MBOAT1: variants seen among roughly 807,000 people sequenced by gnomAD.
MBOAT1 encodes membrane bound glycerophospholipid O-acyltransferase 1.
In MBOAT1, 67 loss-of-function variants were observed where a neutral mutation model predicts 64.4. The ratio of observed to expected loss-of-function variants is 1.04; its 90% CI spans 0.85 to 1.27. The LOEUF (loss-of-function observed/expected upper bound fraction) is 1.27. Among genes scored for constraint, MBOAT1 ranks in the 50% most tolerant of loss-of-function variants. The pLI is 0.00. For synonymous variants in MBOAT1, 229 were observed against 218.9 expected, an observed-to-expected ratio of 1.05 and a Z score of -0.41; for missense variants, 563 against 604.6, an observed-to-expected ratio of 0.93 and a Z score of 0.72.
At chr6:20,107,444 A>G (rs1268038348) in intron 12 of MBOAT1, among the ~76,000 whole-genome samples, 5 of 152,192 alleles carry the variant, frequency 3.3e-5, no homozygotes, top group Non-Finnish European at 7.4e-5. Flanking sequence ...CACAACCTCC[A>G]GGACTGAGCT....
intron 1 of MBOAT1, among the ~76,000 whole-genome samples, chr6:20,165,177 T>C (rs1439006363): frequency 6.6e-6 from 1 of 152,186 alleles, no homozygotes; most frequent in Non-Finnish European, 1.5e-5. Context: ...TATTAGCAAT[T>C]ATCTGATCCA....
chr6:20,170,302 T>C (rs1405611710), intron 1 of MBOAT1, among the ~76,000 whole-genome samples: 3 of 152,168 alleles, frequency 2.0e-5, no homozygotes, highest in Non-Finnish European at 4.4e-5. Context: ...CCTAAGCATA[T>C]AGCCCAATGC....
intron 1 of MBOAT1, among the ~76,000 whole-genome samples, chr6:20,196,291 A>C (rs1161831918): frequency 2.0e-5 from 3 of 152,238 alleles, no homozygotes; most frequent in Admixed American, 2.0e-4. Context: ...AACAGAACAT[A>C]AGCACCCAAT....
chr6:20,177,408 A>T (rs1489340704), intron 1 of MBOAT1, among the ~76,000 whole-genome samples: 2 of 152,136 alleles, frequency 1.3e-5, no homozygotes, highest in African/African-American at 4.8e-5. Flanking sequence ...TGTCCAGGCC[A>T]GTCTTGAACT....
At chr6:20,196,870 A>AAAAC (rs1181358170) in intron 1 of MBOAT1, among the ~76,000 whole-genome samples, 2 of 150,848 alleles carry the variant, frequency 1.3e-5, no homozygotes, top group Admixed American at 6.6e-5. Flanking sequence ...CTCAAAAAAA[A>AAAAC]AAACAAACAA....
intron 1 of MBOAT1, among the ~76,000 whole-genome samples, chr6:20,188,940 T>C (rs1261502673): frequency 6.6e-6 from 1 of 152,174 alleles, no homozygotes; most frequent in African/African-American, 2.4e-5. Flanking sequence ...CCTGACCAGT[T>C]TCTTCCTTTC....
intron 5 of MBOAT1, among the ~76,000 whole-genome samples, chr6:20,129,354 C>T (rs1227225553): frequency 6.6e-6 from 1 of 152,172 alleles, no homozygotes; most frequent in Non-Finnish European, 1.5e-5. Flanking sequence ...AAACTCCCAA[C>T]CAAGTCACAT....
chr6:20,191,454 TAAGA>T (rs1762799279), intron 1 of MBOAT1, among the ~76,000 whole-genome samples: 1 of 152,140 alleles, frequency 6.6e-6, no homozygotes, highest in African/African-American at 2.4e-5. Flanking sequence ...TGTCTCCTCA[TAAGA>T]AATAGGTTCA....
chr6:20,153,055 CG>C (rs1761574133), intron 1 of MBOAT1, among the ~76,000 whole-genome samples: 1 of 152,114 alleles, frequency 6.6e-6, no homozygotes. Context: ...AGGATGGTCT[CG>C]ATCTCCTGAC....
chr6:20,103,116 G>A (rs1159209835), intron 12 of MBOAT1, among the ~76,000 whole-genome samples: 1 of 152,158 alleles, frequency 6.6e-6, no homozygotes, highest in Non-Finnish European at 1.5e-5. Context: ...AAAGTTAACT[G>A]TAAAACAGCC....
chr6:20,171,601 T>C (rs1260684485), intron 1 of MBOAT1, among the ~76,000 whole-genome samples: 1 of 152,146 alleles, frequency 6.6e-6, no homozygotes, highest in Non-Finnish European at 1.5e-5. Flanking sequence ...TGTACGTCTA[T>C]TGGAAATGAT....
At chr6:20,114,372 G>A (rs144329031) in intron 10 of MBOAT1, among the ~76,000 whole-genome samples, 14 of 152,218 alleles carry the variant, frequency 9.2e-5, no homozygotes, top group East Asian at 5.8e-4. Context: ...AGTAAATAAC[G>A]TTTTAAATTT....
At chr6:20,171,456 G>A (rs1762193551) in intron 1 of MBOAT1, among the ~76,000 whole-genome samples, 1 of 151,814 alleles carries the variant, frequency 6.6e-6, no homozygotes, top group African/African-American at 2.4e-5. Flanking sequence ...AGGAGGCTGA[G>A]GCAGGAGGAT....
intron 4 of MBOAT1, among the ~76,000 whole-genome samples, chr6:20,136,699 C>T (rs1341411316): frequency 6.6e-6 from 1 of 152,218 alleles, no homozygotes; most frequent in Non-Finnish European, 1.5e-5. Context: ...GGAACACAAA[C>T]AGCAGTTGTT....
At chr6:20,111,857 TAC>T (rs1340975736) in intron 11 of MBOAT1, among the ~76,000 whole-genome samples, 8 of 113,878 alleles carry the variant, frequency 7.0e-5, no homozygotes, top group African/African-American at 2.3e-4. Context: ...CATATATATA[TAC>T]ATATATATAC....
chr6:20,144,368 C>A, intron 3 of MBOAT1, 53 bp from the exon 4 acceptor site: 1 of 1,115,562 alleles, frequency 9.0e-7, no homozygotes, highest in South Asian at 1.3e-5. Flanking sequence ...ATAATGCACT[C>A]AATTAATGTT....
At chr6:20,178,136 A>G (rs911750159) in intron 1 of MBOAT1, among the ~76,000 whole-genome samples, 2 of 152,224 alleles carry the variant, frequency 1.3e-5, no homozygotes, top group African/African-American at 4.8e-5. Context: ...AGCCCTATAC[A>G]GTATACAATT....
At chr6:20,183,894 C>A (rs541428203) in intron 1 of MBOAT1, among the ~76,000 whole-genome samples, 1 of 152,320 alleles carries the variant, frequency 6.6e-6, no homozygotes, top group East Asian at 1.9e-4. Flanking sequence ...GCACTTCTTA[C>A]ATGGTGGCAG....
intron 1 of MBOAT1, among the ~76,000 whole-genome samples, chr6:20,208,381 G>A (rs1307179953): frequency 7.2e-6 from 1 of 139,372 alleles, no homozygotes; most frequent in Non-Finnish European, 1.5e-5. Context: ...GGGAGGCGGA[G>A]GTTGCACTGA....
Sources: gnomAD v4.1 joint callset for allele counts (sites outside exome capture counted in the v4.1 genomes callset) on GRCh38, gnomAD v4.1.1 for gene constraint, MANE v1.5 for transcripts, NCBI Gene and HGNC (gene_info 2026-07-23, HGNC 2026-07-21) for gene names.